NAPEPLD: variants seen among roughly 807,000 people sequenced by gnomAD.
The protein encoded by NAPEPLD is N-acyl phosphatidylethanolamine phospholipase D.
A neutral mutation model predicts 38.1 loss-of-function variants in NAPEPLD; 23 were observed. The observed-to-expected ratio is 0.60, with a 90% CI of 0.43 to 0.86. The LOEUF is 0.86. Ranked by LOEUF, NAPEPLD falls within the 40% of genes least tolerant of loss-of-function variation. The probability of loss-of-function intolerance (pLI) is 0.00; values close to 1 mark genes in which losing one functional copy is unlikely to be tolerated. For synonymous variants in NAPEPLD, 147 were observed against 162.0 expected, an observed-to-expected ratio of 0.91 and a Z score of 0.71; for missense variants, 411 against 476.8, an observed-to-expected ratio of 0.86 and a Z score of 1.28.
rs538353717 is a variant in NAPEPLD at position 103,114,891 on chromosome 7, G to A, written c.1056+169C>T. ...TTTTTTTTTCTGACTGTATATGTGT[G>A]TATTGTTCTACTAATTAGTATGATT... On this transcript the variant is annotated intron_variant, in intron 4 of 4. Transcript: ENST00000465647. Among the ~76,000 whole-genome samples the A allele has an allele frequency of 3.3e-5, 5 of 152,010 alleles. No individual in the cohort carries two copies. In the South Asian group the frequency reaches 1.0e-3, roughly 32 times the overall value.
chr7:103,113,291 T>C (rs967143887), intron 4 of NAPEPLD, among the ~76,000 whole-genome samples: 1 of 152,180 alleles, frequency 6.6e-6, no homozygotes, highest in Non-Finnish European at 1.5e-5. Context: ...CACAACCCTA[T>C]GGTTAGTCAT....
intron 1 of NAPEPLD, among the ~76,000 whole-genome samples, chr7:103,142,682 G>C (rs574838770): frequency 1.5e-4 from 23 of 152,174 alleles, no homozygotes; most frequent in Admixed American, 1.4e-3. Flanking sequence ...GTCAAAAAAA[G>C]GGAAATATAA....
Position 103,101,441 on chromosome 7 carries a change from T to C in NAPEPLD, c.*1988A>G, listed in dbSNP as rs532154579. ...TTAGGCTATTACTCCAATTTAAAAA[T>C]CAGTGAAAGTTTTCAATGTTTAGTC... On this transcript the variant is annotated 3_prime_UTR_variant, in exon 5 of 5. Coordinates refer to ENST00000465647, the MANE Select transcript of NAPEPLD (RefSeq NM_001122838.3). The C allele has an allele frequency of 4.6e-5, 7 of 152,370 alleles. No individual in the cohort carries two copies. The highest frequency in any genetic ancestry group is 7.3e-5 in the Non-Finnish European group (5 of 68,042). 9.4% of individuals were successfully genotyped at this position (152,370 alleles called of 1,614,324 possible). A position where few individuals can be genotyped will look rare whatever the true frequency, so the allele number is the denominator to read the frequency against.
intron 1 of NAPEPLD, among the ~76,000 whole-genome samples, chr7:103,144,756 CCA>C (rs1240917849): frequency 6.6e-6 from 1 of 151,706 alleles, no homozygotes; most frequent in African/African-American, 2.4e-5. Context: ...ACCTGTAATC[CCA>C]GCACTTTCAG....
chr7:103,146,221 T>C (rs1812524103), intron 1 of NAPEPLD, among the ~76,000 whole-genome samples: 1 of 152,136 alleles, frequency 6.6e-6, no homozygotes, highest in African/African-American at 2.4e-5. Flanking sequence ...GGCACATGCC[T>C]GTAATTCCAA....
intron 4 of NAPEPLD, among the ~76,000 whole-genome samples, chr7:103,110,187 G>A (rs1160622664): frequency 6.6e-6 from 1 of 152,066 alleles, no homozygotes; most frequent in African/African-American, 2.4e-5. Flanking sequence ...CCAAACAATA[G>A]AAAAAGAGGG....
intron 4 of NAPEPLD, among the ~76,000 whole-genome samples, chr7:103,106,443 A>C (rs1432031358): frequency 6.6e-6 from 1 of 152,100 alleles, no homozygotes; most frequent in Non-Finnish European, 1.5e-5. Context: ...CATGGAGCCA[A>C]GTGGTCTGGC....
chr7:103,108,398 C>T (rs1165795837), intron 4 of NAPEPLD, among the ~76,000 whole-genome samples: 1 of 152,152 alleles, frequency 6.6e-6, no homozygotes, highest in East Asian at 1.9e-4. Context: ...GCCTCAGCCT[C>T]CAAAAGTGCT....
intron 1 of NAPEPLD, among the ~76,000 whole-genome samples, chr7:103,131,486 C>G (rs1808925347): frequency 6.6e-6 from 1 of 152,074 alleles, no homozygotes; most frequent in Non-Finnish European, 1.5e-5. Flanking sequence ...TGGTGAAACC[C>G]TGTCTCTACT....
At chr7:103,110,240 ACCAAAACCTGGCAGAGATT>A (rs1208063483) in intron 4 of NAPEPLD, among the ~76,000 whole-genome samples, 3 of 152,178 alleles carry the variant, frequency 2.0e-5, no homozygotes, top group African/African-American at 4.8e-5. Context: ...TCATCCTGAT[ACCAAAACCTGGCAGAGATT>A]CCAAAACCTG....
rs761292412 is a variant in NAPEPLD at position 103,103,489 on chromosome 7, A to G, written c.1122T>C (p.Asp374=). The G allele has an allele frequency of 6.3e-7, 1 of 1,599,178 alleles. No homozygotes were observed. The highest frequency in any genetic ancestry group is 1.8e-5 in the Admixed American group (1 of 56,656). ...ATTCTCCATGCTTCAAGACAAAAAA[A>G]TCTTCAGCGTTAAGTCCGTATCTCT... ...ALERYGLNAE[D]FFVLKHGESR... Residue 374 remains aspartate (D), a synonymous_variant, in exon 5 of 5, where the codon GAT becomes GAC. Transcript: ENST00000465647.
rs528226136 is a variant in NAPEPLD, at chr7:103,136,311, C to A, written c.-16-7519G>T. On this transcript the variant is annotated intron_variant, in intron 1 of 4. Transcript: ENST00000465647. ...TTGAGGCTGGGAGCAGTGGCTCACA[C>A]CTGTAATCCTAGCACTTTGGAAGGA... Among the ~76,000 whole-genome samples, 6 of 150,914 alleles carry A rather than the reference C, an allele frequency of 4.0e-5. No individual in the cohort carries two copies. In the South Asian group the frequency reaches 1.0e-3, roughly 26 times the overall value.
chr7:103,113,839 C>T (rs1805046800), intron 4 of NAPEPLD, among the ~76,000 whole-genome samples: 1 of 151,614 alleles, frequency 6.6e-6, no homozygotes, highest in African/African-American at 2.4e-5. Flanking sequence ...CCAGGCTGGT[C>T]TCGAACTCCT....
At chr7:103,139,807 C>G (rs944640709) in intron 1 of NAPEPLD, among the ~76,000 whole-genome samples, 1 of 152,242 alleles carries the variant, frequency 6.6e-6, no homozygotes, top group Non-Finnish European at 1.5e-5. Flanking sequence ...CTACATCAGA[C>G]CCTGTTCAGC....
Position 103,103,340 on chromosome 7 carries a change from T to G in NAPEPLD, c.*89A>C, listed in dbSNP as rs1417184332. Reference sequence around the variant, plus strand: ...GAAGTTGTTTCCAAATGTAAAATAATCACAATATTCATGAATTTCTAAGTC... The same window carrying G: ...GAAGTTGTTTCCAAATGTAAAATAAGCACAATATTCATGAATTTCTAAGTC... On this transcript the variant is annotated 3_prime_UTR_variant, in exon 5 of 5. Transcript: ENST00000465647. 8 of 1,387,784 alleles carry G rather than the reference T, an allele frequency of 5.8e-6. No individual in the cohort carries two copies. The highest frequency in any genetic ancestry group is 7.7e-6 in the Non-Finnish European group (8 of 1,033,954). The allele number at this position is 1,387,784 out of a possible 1,614,324, so 86.0% of individuals were successfully genotyped here.
rs1563341449 is a variant in NAPEPLD at position 103,103,347 on chromosome 7, A to G, written c.*82T>C. On this transcript the variant is annotated 3_prime_UTR_variant, in exon 5 of 5. Transcript: ENST00000465647. ...TTTCCAAATGTAAAATAATCACAAT[A>G]TTCATGAATTTCTAAGTCTTTTCAT... 1 of 1,391,446 alleles carries G rather than the reference A, an allele frequency of 7.2e-7. No homozygotes were observed. Among genetic ancestry groups the G allele is most frequent in the East Asian group, 2.5e-5 (1 of 40,816 alleles). The allele number at this position is 1,391,446 out of a possible 1,614,324, so 86.2% of individuals were successfully genotyped here. A position where few individuals can be genotyped will look rare whatever the true frequency, so the allele number is the denominator to read the frequency against.
At chr7:103,105,457 C>G (rs1032696723) in intron 4 of NAPEPLD, among the ~76,000 whole-genome samples, 1 of 152,148 alleles carries the variant, frequency 6.6e-6, no homozygotes, top group African/African-American at 2.4e-5. Context: ...AAACTCGTTT[C>G]CATCAAAACT....
chr7:103,109,885 A>G (rs1355802522), intron 4 of NAPEPLD, among the ~76,000 whole-genome samples: 1 of 152,194 alleles, frequency 6.6e-6, no homozygotes, highest in Non-Finnish European at 1.5e-5. Flanking sequence ...GATAAAGGAG[A>G]TATCACCACT....
In NAPEPLD at chr7:103,103,427, T is replaced by C. The variant is rs1449557193; in HGVS notation, c.*2A>G. 3 of 1,554,778 alleles carry C rather than the reference T, an allele frequency of 1.9e-6. No individual in the cohort carries two copies. The highest frequency in any genetic ancestry group is 2.6e-6 in the Non-Finnish European group (3 of 1,160,720). On this transcript the variant is annotated 3_prime_UTR_variant, in exon 5 of 5. Coordinates refer to ENST00000465647, the MANE Select transcript of NAPEPLD (RefSeq NM_001122838.3). ...CATTAAAAGTGCCTGTGCTCACATT[T>C]ATTAAAAGTTTTCATCATCATTATT...
Sources: gnomAD v4.1 joint callset for allele counts (sites outside exome capture counted in the v4.1 genomes callset) on GRCh38, gnomAD v4.1.1 for gene constraint, MANE v1.5 for transcripts, NCBI Gene and HGNC (gene_info 2026-07-23, HGNC 2026-07-21) for gene names.